The following ZNF557 variants were observed in gnomAD, a reference collection of about 807,000 sequenced individuals.
The protein encoded by ZNF557 is CTB-25J19.9.
In ZNF557, 19 loss-of-function variants were observed where a neutral mutation model predicts 21.2. The ratio of observed to expected loss-of-function variants is 0.90; its 90% CI spans 0.63 to 1.32. The LOEUF (loss-of-function observed/expected upper bound fraction) is 1.32, where lower values mean the gene tolerates loss of function less well. ZNF557 is among the 40% of genes most tolerant of loss of function. The pLI, the probability that ZNF557 is intolerant of heterozygous loss-of-function variation, is 0.00. For missense variants in ZNF557, 487 were observed against 519.8 expected (o/e 0.94, Z 0.61); for synonymous variants, 207 against 194.8 (o/e 1.06, Z -0.52).
rs1432217071 is a variant in ZNF557 at position 7,083,713 on chromosome 19, T to C, written c.1262T>C (p.Val421Ala). 6.2e-7 allele frequency: 1 copy of C among 1,611,168 alleles called. No individual in the cohort carries two copies. The highest frequency in any genetic ancestry group is 8.5e-7 in the Non-Finnish European group (1 of 1,178,336). The change falls in exon 8 of 8, where the codon GTG (valine) becomes GCG (alanine). Residue 421 changes from valine to alanine, a missense_variant. By Grantham distance (64) the Val-to-Ala change is moderately conservative. Coordinates refer to ENST00000252840, the MANE Select transcript of ZNF557 (RefSeq NM_024341.3). ...KSFTSNSYLS[V>A]HTRMHNRQM ...TTCACAAGTAACTCCTACCTTTCTG[T>C]GCATACGAGAATGCATAATAGGCAA...
intron 5 of ZNF557, among the ~76,000 whole-genome samples, chr19:7,080,353 G>A (rs1474225861): frequency 1.3e-5 from 2 of 152,156 alleles, no homozygotes; most frequent in African/African-American, 2.4e-5. Context: ...AGAGCATCTT[G>A]TTCCCAACTT....
intron 5 of ZNF557, 78 bp downstream of exon 5, chr19:7,076,585 A>G: frequency 2.6e-6 from 4 of 1,550,010 alleles, no homozygotes; most frequent in Non-Finnish European, 3.5e-6. Context: ...AATTGAGGTA[A>G]CACAGGACAC....
intron 5 of ZNF557, among the ~76,000 whole-genome samples, chr19:7,079,475 T>C (rs546811993): frequency 4.9e-4 from 75 of 152,092 alleles, no homozygotes; most frequent in South Asian, 8.3e-4. Context: ...CTCCTGACCT[T>C]GTGATCCGCC....
At chr19:7,075,890 G>A (rs1599840079) in intron 4 of ZNF557, 147 bp downstream of exon 4, 1 of 1,456,590 alleles carries the variant, frequency 6.9e-7, no homozygotes, top group East Asian at 2.5e-5. Flanking sequence ...GAAAATGTCA[G>A]TGTGTGTCAA....
intron 5 of ZNF557, among the ~76,000 whole-genome samples, chr19:7,080,304 GT>G (rs953110772): frequency 6.6e-6 from 1 of 152,034 alleles, no homozygotes; most frequent in Non-Finnish European, 1.5e-5. Flanking sequence ...ACTCCATCTT[GT>G]GGGGGAAAAG....
intron 4 of ZNF557, 124 bp downstream of exon 4, chr19:7,075,867 T>A: frequency 6.7e-7 from 1 of 1,494,362 alleles, no homozygotes; most frequent in Non-Finnish European, 8.9e-7. Context: ...GGTCTCTGAG[T>A]GAGGGCTGCC....
chr19:7,079,703 G>A (rs1000374614), intron 5 of ZNF557, among the ~76,000 whole-genome samples: 4 of 152,128 alleles, frequency 2.6e-5, no homozygotes, highest in African/African-American at 4.8e-5. Flanking sequence ...ATTTTGTAAC[G>A]TCTGTATTGG....
At chr19:7,072,151 C>T (rs1349550112) in intron 2 of ZNF557, among the ~76,000 whole-genome samples, 1 of 144,054 alleles carries the variant, frequency 6.9e-6, no homozygotes, top group East Asian at 2.0e-4. Flanking sequence ...CAGCCAGGCA[C>T]AGTGGCTCAC....
intron 4 of ZNF557, 88 bp from the exon 5 acceptor site, chr19:7,076,293 A>C (rs1977586060): frequency 1.9e-6 from 3 of 1,613,392 alleles, no homozygotes; most frequent in Middle Eastern, 1.7e-4. Context: ...AGGTTTCCCC[A>C]GCCCTGGCTC....
rs1977681265 is a variant in ZNF557 at position 7,080,649 on chromosome 19, G to A, written c.248-711G>A. 2.0e-5 allele frequency among the ~76,000 whole-genome samples: 3 copies of A among 152,168 alleles called. No homozygotes were observed. In the South Asian group the frequency reaches 6.2e-4, roughly 31 times the overall value. On this transcript the variant is annotated intron_variant, in intron 5 of 7. Coordinates refer to ENST00000252840, the MANE Select transcript of ZNF557 (RefSeq NM_024341.3). ...GTTCCCTTCAGCACTAGAAACACAG[G>A]TTGTTGTCCTCAAGGCAAAATGGGG... is the stretch of plus-strand genomic sequence containing the variant.
In ZNF557 at chr19:7,085,270, T is replaced by TCAAGGGA. The variant is rs1977811384; in HGVS notation, c.*1526_*1527insCAAGGGA. On this transcript the variant is annotated 3_prime_UTR_variant, in exon 8 of 8. Coordinates refer to ENST00000252840, the MANE Select transcript of ZNF557 (RefSeq NM_024341.3). The stretch of plus-strand genomic sequence containing the variant: ...TTATTGTAACCTCTGCCTCCCAGGC[T>TCAAGGGA]TAAGGGATCCTCCCACCTCAGCCTC... The TCAAGGGA allele has an allele frequency of 6.6e-6, 1 of 152,166 alleles. No homozygotes were observed. The highest frequency in any genetic ancestry group is 1.5e-5 in the Non-Finnish European group (1 of 68,054). The allele number at this position is 152,166 out of a possible 1,614,324, so 9.4% of individuals were successfully genotyped here. A position where few individuals can be genotyped will look rare whatever the true frequency, so the allele number is the denominator to read the frequency against.
chr19:7,077,925 T>C (rs2967663), intron 5 of ZNF557, among the ~76,000 whole-genome samples: 48 of 151,978 alleles, frequency 3.2e-4, no homozygotes, highest in African/African-American at 1.2e-3. Flanking sequence ...TCTTTTCTTG[T>C]GCTTGTTGGC....
Position 7,075,676 on chromosome 19 carries a change from C to G in ZNF557, c.53C>G (p.Ala18Gly). The G allele has an allele frequency of 6.2e-7, 1 of 1,613,618 alleles. No individual in the cohort carries two copies. The highest frequency in any genetic ancestry group is 8.5e-7 in the Non-Finnish European group (1 of 1,179,678). ...PTAALSSLFP[A>G]SQREGHTEGG... is the part of the protein sequence containing the mutation. Reference sequence around the variant, plus strand: ...CCAGCTCTGTCTTCCCTGTTCCCAGCCTCTCAGCGAGAAGGACACACAGAG... The same window carrying G: ...CCAGCTCTGTCTTCCCTGTTCCCAGGCTCTCAGCGAGAAGGACACACAGAG... Residue 18 changes from alanine (A) to glycine (G), a missense_variant, in exon 4 of 8, where the codon GCC becomes GGC. Physicochemically the swap from Ala to Gly is moderately conservative, Grantham distance 60. Transcript: ENST00000252840.
At chr19:7,071,636 G>C (rs1327663579) in intron 2 of ZNF557, among the ~76,000 whole-genome samples, 1 of 152,064 alleles carries the variant, frequency 6.6e-6, no homozygotes, top group Non-Finnish European at 1.5e-5. Flanking sequence ...CTGAGGTCAG[G>C]AGTTCAAGAC....
rs1400638522 is a variant in ZNF557, at chr19:7,082,976, T to C, written c.525T>C (p.Thr175=). 1 of 1,614,154 alleles carries C rather than the reference T, an allele frequency of 6.2e-7. No individual in the cohort carries two copies. The highest frequency in any genetic ancestry group is 1.7e-5 in the Admixed American group (1 of 59,996). ...SSLTRHRKIH[T]GERPYGCSEC... is the part of the protein sequence containing the mutation. ...TTACACGGCACAGGAAGATTCATAC[T>C]GGAGAAAGACCCTATGGCTGCAGTG... Residue 175 remains threonine, a synonymous_variant, in exon 8 of 8, where the codon ACT becomes ACC. Transcript: ENST00000252840.
chr19:7,083,325 T>C lies in ZNF557; in HGVS notation c.874T>C (p.Tyr292His), dbSNP rs1453341209. Reference sequence around the variant, plus strand: ...GAGAGTTCATACGGGGGAGGGTCATTATGTATGTAATCAGTGTGGAAAGGC... The same window carrying C: ...GAGAGTTCATACGGGGGAGGGTCATCATGTATGTAATCAGTGTGGAAAGGC... ...HKRVHTGEGH[Y>H]VCNQCGKAFG... The change falls in exon 8 of 8, where the codon TAT becomes CAT. Residue 292 changes from tyrosine to histidine, a missense_variant. Tyr to His is a moderately conservative substitution (Grantham distance 83, BLOSUM62 2). Coordinates refer to ENST00000252840, the MANE Select transcript of ZNF557 (RefSeq NM_024341.3). The C allele has an allele frequency of 1.2e-6, 2 of 1,614,062 alleles. No homozygotes were observed. Among genetic ancestry groups the C allele is most frequent in the African/African-American group, 2.7e-5 (2 of 74,916 alleles).
In ZNF557 at chr19:7,075,033, C is replaced by T. The variant is rs375353597; in HGVS notation, c.-42C>T. 1.1e-5 allele frequency: 18 copies of T among 1,613,744 alleles called. No individual in the cohort carries two copies. Among genetic ancestry groups the T allele is most frequent in the African/African-American group, 9.3e-5 (7 of 74,910 alleles). On this transcript the variant is annotated 5_prime_UTR_variant, in exon 3 of 8. Coordinates refer to ENST00000252840, the MANE Select transcript of ZNF557 (RefSeq NM_024341.3). ...AGAGCGCTGCGGGATAAAGGAGGAGCGTCCTGCTTCCCGGCTGCCCTGTTG... is the reference window on the plus strand; with the variant it reads ...AGAGCGCTGCGGGATAAAGGAGGAGTGTCCTGCTTCCCGGCTGCCCTGTTG...
Position 7,074,985 on chromosome 19 carries a change from A to G in ZNF557, c.-79-11A>G. 6.2e-7 allele frequency: 1 copy of G among 1,606,180 alleles called. No homozygotes were observed. The highest frequency in any genetic ancestry group is 8.5e-7 in the Non-Finnish European group (1 of 1,175,736). On this transcript the variant is annotated splice_polypyrimidine_tract_variant and intron_variant, in intron 2 of 7. Transcript: ENST00000252840. ...GTGACCGAGGCAGAGTGTTCCCCCC[A>G]TTTCTTCCAGGGTGCTGTCCTGAGA...
intron 5 of ZNF557, among the ~76,000 whole-genome samples, chr19:7,079,456 G>A (rs978722644): frequency 5.3e-5 from 8 of 151,528 alleles, no homozygotes; most frequent in African/African-American, 1.7e-4. Context: ...TAGCCAGGAT[G>A]ATCTCGATCT....
Sources: allele counts gnomAD v4.1 joint callset (sites outside exome capture counted in the v4.1 genomes callset), GRCh38; gene constraint gnomAD v4.1.1; transcripts MANE v1.5; gene names NCBI Gene and HGNC (gene_info 2026-07-23, HGNC 2026-07-21).